The following CADPS2 variants were observed in gnomAD, a reference collection of about 807,000 sequenced individuals.
CADPS2 encodes the protein calcium-dependent secretion activator 2.
A neutral mutation model predicts 172.5 loss-of-function variants in CADPS2; 93 were observed. That is an observed-to-expected ratio of 0.54 (90% CI 0.46 to 0.64). The LOEUF (loss-of-function observed/expected upper bound fraction) is 0.64. Among genes scored for constraint, CADPS2 ranks in the 30% least tolerant of loss-of-function variants. The pLI is 0.00. For synonymous variants in CADPS2, 546 were observed against 555.2 expected (o/e 0.98, Z 0.23); for missense variants, 1,420 against 1,565.9 (o/e 0.91, Z 1.57).
chr7:122,596,054 C>T (rs775182802), intron 6 of CADPS2, among the ~76,000 whole-genome samples: 3 of 152,078 alleles, frequency 2.0e-5, no homozygotes, highest in Admixed American at 6.6e-5. Context: ...GTAATCTTCA[C>T]AGGCCAGACA....
chr7:122,325,455 T>C, intron 29 of CADPS2, 22 bp downstream of exon 29: 1 of 1,483,474 alleles, frequency 6.7e-7, no homozygotes, highest in Non-Finnish European at 9.3e-7. Flanking sequence ...GGGCAATTCA[T>C]ATCTAAACAC....
At chr7:122,724,221 CTG>C (rs781319337) in intron 2 of CADPS2, among the ~76,000 whole-genome samples, 28 of 151,690 alleles carry the variant, frequency 1.8e-4, no homozygotes, top group Non-Finnish European at 3.4e-4. Flanking sequence ...AAAAATAAAT[CTG>C]TCTCTCCCAG....
chr7:122,824,464 G>A (rs975675197), intron 1 of CADPS2, among the ~76,000 whole-genome samples: 1 of 152,150 alleles, frequency 6.6e-6, no homozygotes, highest in Admixed American at 6.5e-5. Context: ...TTGACAATCT[G>A]ATATCTCATT....
intron 8 of CADPS2, among the ~76,000 whole-genome samples, chr7:122,545,015 G>A (rs1248694764): frequency 6.6e-6 from 1 of 152,122 alleles, no homozygotes; most frequent in Non-Finnish European, 1.5e-5. Context: ...TGTAGGCTGT[G>A]GTAAAAAGTA....
chr7:122,860,565 G>C (rs980714252), intron 1 of CADPS2, among the ~76,000 whole-genome samples: 2 of 151,884 alleles, frequency 1.3e-5, no homozygotes, highest in Admixed American at 6.6e-5. Context: ...AAAGGTAATT[G>C]CAACATTTTA....
intron 1 of CADPS2, among the ~76,000 whole-genome samples, chr7:122,805,654 G>A (rs1798638090): frequency 6.6e-6 from 1 of 152,092 alleles, no homozygotes; most frequent in Non-Finnish European, 1.5e-5. Flanking sequence ...TCCTGGTTAT[G>A]AGTCAAGCAA....
intron 27 of CADPS2, among the ~76,000 whole-genome samples, chr7:122,359,479 T>C (rs2039854716): frequency 6.6e-6 from 1 of 152,150 alleles, no homozygotes; most frequent in African/African-American, 2.4e-5. Context: ...TAAACTAGTA[T>C]AGGGCCAATT....
chr7:122,621,733 T>A lies in CADPS2; in HGVS notation c.868-16A>T. ...ATTTTCTTTCCTTGAAAATAATTTTTAAAATAATAGTGTTACATAAGTCAT... is the reference window on the plus strand; with the variant it reads ...ATTTTCTTTCCTTGAAAATAATTTTAAAAATAATAGTGTTACATAAGTCAT... On this transcript the variant is annotated splice_polypyrimidine_tract_variant and intron_variant, in intron 4 of 29. Transcript: ENST00000449022. 7.1e-7 allele frequency: 1 copy of A among 1,406,390 alleles called. No homozygotes were observed. Among genetic ancestry groups the A allele is most frequent in the Admixed American group, 1.9e-5 (1 of 51,536 alleles). 87.1% of individuals were successfully genotyped at this position (1,406,390 alleles called of 1,614,324 possible).
At chr7:122,556,792 G>A (rs1563692783) in intron 7 of CADPS2, among the ~76,000 whole-genome samples, 1 of 152,070 alleles carries the variant, frequency 6.6e-6, no homozygotes, top group Non-Finnish European at 1.5e-5. Flanking sequence ...GAACATGAAT[G>A]GCTCACATCT....
At chr7:122,819,619 A>T (rs1802532628) in intron 1 of CADPS2, among the ~76,000 whole-genome samples, 1 of 97,716 alleles carries the variant, frequency 1.0e-5, no homozygotes, top group Non-Finnish European at 2.2e-5. Flanking sequence ...TCTGGTGCCA[A>T]CTTAGACAGT....
At chr7:122,871,689 T>G (rs1166099833) in intron 1 of CADPS2, among the ~76,000 whole-genome samples, 2 of 152,078 alleles carry the variant, frequency 1.3e-5, no homozygotes, top group Non-Finnish European at 2.9e-5. Flanking sequence ...AAGGGTAATC[T>G]CCATATTGCA....
At position 122,485,413 on chromosome 7, in the gene CADPS2, T is replaced by C. The variant is rs530787203; in HGVS notation, c.1853-4553A>G. ...AAGCAAAACAGCCTTATTGCTGATATGAAGAAAGTTTGAATGGTCTGGATA... is the reference window on the plus strand; with the variant it reads ...AAGCAAAACAGCCTTATTGCTGATACGAAGAAAGTTTGAATGGTCTGGATA... On this transcript the variant is annotated intron_variant, in intron 11 of 29. Coordinates refer to ENST00000449022, the MANE Select transcript of CADPS2 (RefSeq NM_017954.11). Among the ~76,000 whole-genome samples, 5 of 152,268 alleles carry C rather than the reference T, an allele frequency of 3.3e-5. No homozygotes were observed. In the South Asian group the frequency reaches 6.2e-4, roughly 19 times the overall value.
intron 3 of CADPS2, among the ~76,000 whole-genome samples, chr7:122,657,983 C>A (rs536804345): frequency 2.0e-5 from 3 of 152,178 alleles, no homozygotes; most frequent in Admixed American, 6.5e-5. Flanking sequence ...TTTTTGCAAT[C>A]TACTCATCTG....
intron 1 of CADPS2, among the ~76,000 whole-genome samples, chr7:122,740,598 TC>T (rs933004381): frequency 1.3e-5 from 2 of 152,098 alleles, no homozygotes; most frequent in African/African-American, 4.8e-5. Flanking sequence ...TACCATCCAC[TC>T]AAGCTCAATT....
At chr7:122,408,180 AT>A (rs35514146) in intron 19 of CADPS2, among the ~76,000 whole-genome samples, 2,440 of 141,256 alleles carry the variant, frequency 0.017, 46 homozygotes, top group African/African-American at 0.051. Flanking sequence ...ATATACTGTT[AT>A]TTTTTTTTTT....
rs746407139 is a variant in CADPS2, at chr7:122,886,121, G to A, written c.217C>T (p.Arg73Trp). The change falls in exon 1 of 30, where the codon CGG becomes TGG. Residue 73 changes from arginine (R) to tryptophan (W), a missense_variant. Arg to Trp is a moderately radical substitution (Grantham distance 101). Transcript: ENST00000449022. ...CGCTCCTGCTCATCGTCCAGCTGCC[G>A]CTGGGGCTCGTCTCGCCCCTCGCTG... is the stretch of plus-strand genomic sequence containing the variant. ...VLSEGRDEPQ[R>W]QLDDEQERRI... 6.4e-7 allele frequency: 1 copy of A among 1,560,714 alleles called. No individual in the cohort carries two copies. The highest frequency in any genetic ancestry group is 1.2e-5 in the South Asian group (1 of 84,752).
In CADPS2 at chr7:122,860,586, G is replaced by A. The variant is rs75689289; in HGVS notation, c.339+25413C>T. Among the ~76,000 whole-genome samples the A allele has an allele frequency of 2.6e-5, 4 of 151,694 alleles. No individual in the cohort carries two copies. In the East Asian group the frequency reaches 7.7e-4, roughly 29 times the overall value. ...AATTGCAACATTTTAGAACCCCCAA[G>A]GATAAAGAACATTAAAACATTTAAG... On this transcript the variant is annotated intron_variant, in intron 1 of 29. Coordinates refer to ENST00000449022, the MANE Select transcript of CADPS2 (RefSeq NM_017954.11).
At chr7:122,645,656 A>AAAATATATAT (rs2078441314) in intron 3 of CADPS2, among the ~76,000 whole-genome samples, 2 of 18,496 alleles carry the variant, frequency 1.1e-4, no homozygotes, top group African/African-American at 2.7e-4. Context: ...ATATATCTCT[A>AAAATATATAT]AGATATATAT....
chr7:122,629,732 T>A (rs191454046), intron 3 of CADPS2, among the ~76,000 whole-genome samples: 103 of 152,266 alleles, frequency 6.8e-4, no homozygotes, highest in African/African-American at 2.5e-3. Context: ...TAATAATAAG[T>A]TTGTATTAGT....
Sources: allele counts gnomAD v4.1 joint callset (sites outside exome capture counted in the v4.1 genomes callset), GRCh38; gene constraint gnomAD v4.1.1; transcripts MANE v1.5; gene names NCBI Gene and HGNC (gene_info 2026-07-23, HGNC 2026-07-21).